The following GRAMD1A variants were observed in gnomAD, a reference collection of about 807,000 sequenced individuals.
GRAMD1A encodes protein Aster-A.
Under a neutral mutation model 92.0 loss-of-function variants are expected in GRAMD1A, and 50 were observed. The observed-to-expected ratio is 0.54, with a 90% CI of 0.43 to 0.69. GRAMD1A has a LOEUF of 0.69. Among genes scored for constraint, GRAMD1A ranks in the 30% least tolerant of loss-of-function variants. The probability of loss-of-function intolerance (pLI) is 0.00; values close to 1 mark genes in which losing one functional copy is unlikely to be tolerated. For synonymous variants in GRAMD1A, 405 were observed against 403.6 expected, an observed-to-expected ratio of 1.00 and a Z score of -0.04; for missense variants, 819 against 978.9, an observed-to-expected ratio of 0.84 and a Z score of 2.18.
At chr19:34,996,010 C>T (rs1271989304), upstream of GRAMD1A, 6 of 1,528,356 alleles carry the variant, frequency 3.9e-6, no homozygotes, top group Middle Eastern at 1.7e-4. Context: ...CACCGCTGTT[C>T]CAGACCCTCT....
rs556678153 is a variant in GRAMD1A, at chr19:35,021,884, G to A, written c.1753+20G>A. The A allele has an allele frequency of 1.6e-4, 262 of 1,606,580 alleles. 7 individuals are homozygous for A. The South Asian group carries it at 2.5e-3, about 16-fold the overall frequency. The stretch of plus-strand genomic sequence containing the variant: ...CCTCGGGTACGTTCCGTTGGGGCCG[G>A]GTTGGGGTAGGCGGAGGATCGGGGG... On this transcript the variant is annotated intron_variant, in intron 15 of 19. Coordinates refer to ENST00000317991, the MANE Select transcript of GRAMD1A (RefSeq NM_020895.5). The surrounding 1 kb of genome is among the most constrained non-coding windows in gnomAD (Gnocchi z 5.3).
intron 11 of GRAMD1A, among the ~76,000 whole-genome samples, chr19:35,017,292 C>T (rs1198139475): frequency 6.6e-6 from 1 of 152,078 alleles, no homozygotes; most frequent in African/African-American, 2.4e-5. Flanking sequence ...GTTACTGAGC[C>T]TCAGGTATTT....
chr19:35,024,682 G>A (rs1297874553), intron 19 of GRAMD1A, among the ~76,000 whole-genome samples: 1 of 152,158 alleles, frequency 6.6e-6, no homozygotes, highest in Non-Finnish European at 1.5e-5. Flanking sequence ...ATCAAGCTTG[G>A]GAGAGGCTCA....
At chr19:34,997,041 A>G, upstream of GRAMD1A, among the ~76,000 whole-genome samples, 1 of 152,074 alleles carries the variant, frequency 6.6e-6, no homozygotes, top group Non-Finnish European at 1.5e-5. Flanking sequence ...TCCACCCAGC[A>G]GCTGGGACCA....
intron 11 of GRAMD1A, 112 bp from the exon 12 acceptor site, chr19:35,019,079 G>T: frequency 1.4e-6 from 1 of 713,518 alleles, no homozygotes; most frequent in South Asian, 1.7e-5. Flanking sequence ...ACAGAGGAGT[G>T]GTGGGGATTG....
Position 35,021,417 on chromosome 19 carries a change from G to A in GRAMD1A, c.1476-85G>A. 3 of 988,630 alleles carry A rather than the reference G, an allele frequency of 3.0e-6. No individual in the cohort carries two copies. Among genetic ancestry groups the A allele is most frequent in the South Asian group, 1.3e-5 (1 of 76,984 alleles). 61.2% of individuals were successfully genotyped at this position (988,630 alleles called of 1,614,324 possible). The stretch of plus-strand genomic sequence containing the variant: ...GACAAGGGGCCCTCTCTGAATTAGG[G>A]GAAGGAAAAAACTCAGCTTGTGGGA... On this transcript the variant is annotated intron_variant, in intron 13 of 19. Coordinates refer to ENST00000317991, the MANE Select transcript of GRAMD1A (RefSeq NM_020895.5). This position sits in a 1 kb window ranked among gnomAD's most constrained non-coding sequence, Gnocchi z 5.3.
intron 6 of GRAMD1A, chr19:35,010,723 C>T (rs2015173487): frequency 1.9e-6 from 1 of 531,814 alleles, no homozygotes; most frequent in African/African-American, 1.9e-5. Flanking sequence ...TGCAAGATGG[C>T]TTTCTCACCA....
At chr19:35,000,086 G>A, upstream of GRAMD1A, 1 of 988,454 alleles carries the variant, frequency 1.0e-6, no homozygotes, top group Non-Finnish European at 1.2e-6. The surrounding 1 kb of genome is among the most constrained non-coding windows in gnomAD (Gnocchi z 4.9). Context: ...CTGCGGGCAG[G>A]CAGCTGCCTC....
intron 18 of GRAMD1A, 22 bp downstream of exon 18, chr19:35,023,365 A>G (rs1251503416): frequency 6.2e-7 from 1 of 1,613,728 alleles, no homozygotes; most frequent in Non-Finnish European, 8.5e-7. Context: ...GCCTGGGGAA[A>G]TGGGGGGGCT....
At chr19:34,999,193 T>A (rs375124439), upstream of GRAMD1A, among the ~76,000 whole-genome samples, 1 of 151,974 alleles carries the variant, frequency 6.6e-6, no homozygotes, top group African/African-American at 2.4e-5. Context: ...AATGGAGCGA[T>A]TGATTTTATA....
At chr19:35,009,478 G>A (rs2015064340) in intron 3 of GRAMD1A, 35 bp downstream of exon 3, 1 of 1,611,260 alleles carries the variant, frequency 6.2e-7, no homozygotes, top group South Asian at 1.1e-5. Flanking sequence ...CTGGAGGGCT[G>A]GGAGGACCGG....
At chr19:34,999,097 T>C (rs151225161), upstream of GRAMD1A, among the ~76,000 whole-genome samples, 5 of 151,480 alleles carry the variant, frequency 3.3e-5, no homozygotes, top group Admixed American at 6.6e-5. Flanking sequence ...GAACAGACAG[T>C]AGGGGCAGGG....
upstream of GRAMD1A, chr19:35,000,039 A>T (rs74655714): frequency 4.0e-3 from 3,973 of 984,994 alleles, 121 homozygotes; most frequent in African/African-American, 0.062. The surrounding 1 kb of genome is among the most constrained non-coding windows in gnomAD (Gnocchi z 4.9). Flanking sequence ...GTTGCTAGGG[A>T]CCCTTTTCTA....
rs947655126 is a variant in GRAMD1A at position 35,013,743 on chromosome 19, G to A, written c.870+52G>A. The A allele has an allele frequency of 6.5e-7, 1 of 1,530,338 alleles. No homozygotes were observed. The highest frequency in any genetic ancestry group is 8.9e-7 in the Non-Finnish European group (1 of 1,121,938). The allele number at this position is 1,530,338 out of a possible 1,614,324, so 94.8% of individuals were successfully genotyped here. ...GGATACTGATAGGAAGAGAGAGGAG[G>A]GCTGGGGGTGCAGTGGGAGAAGAAC... On this transcript the variant is annotated intron_variant, in intron 9 of 19. Coordinates refer to ENST00000317991, the MANE Select transcript of GRAMD1A (RefSeq NM_020895.5). This position sits in a 1 kb window ranked among gnomAD's most constrained non-coding sequence, Gnocchi z 4.9.
chr19:35,022,000 G>A lies in GRAMD1A; in HGVS notation c.1803G>A (p.Gly601=). The A allele has an allele frequency of 1.2e-6, 2 of 1,614,086 alleles. No individual in the cohort carries two copies. Among genetic ancestry groups the A allele is most frequent in the Non-Finnish European group, 1.7e-6 (2 of 1,179,986 alleles). The stretch of plus-strand genomic sequence containing the variant: ...AACCATCTGTGGACCAGGGCCCCGG[G>A]GCAGGCATCCCCAGTGCCCTGGTTC... The part of the protein sequence containing the change: ...FSEPSVDQGP[G]AGIPSALVLI... Residue 601 remains glycine, a synonymous_variant, in exon 16 of 20, where the codon GGG becomes GGA. Coordinates refer to ENST00000317991, the MANE Select transcript of GRAMD1A (RefSeq NM_020895.5). The surrounding 1 kb of genome is among the most constrained non-coding windows in gnomAD (Gnocchi z 5.3).
At position 35,013,737 on chromosome 19, in the gene GRAMD1A, G is replaced by A. The variant is rs779976374; in HGVS notation, c.870+46G>A. ...GGGGTGGGATACTGATAGGAAGAGA[G>A]AGGAGGGCTGGGGGTGCAGTGGGAG... On this transcript the variant is annotated intron_variant, in intron 9 of 19. Coordinates refer to ENST00000317991, the MANE Select transcript of GRAMD1A (RefSeq NM_020895.5). This position sits in a 1 kb window ranked among gnomAD's most constrained non-coding sequence, Gnocchi z 4.9. 6.4e-7 allele frequency: 1 copy of A among 1,552,912 alleles called. No individual in the cohort carries two copies. The highest frequency in any genetic ancestry group is 2.3e-5 in the East Asian group (1 of 44,230).
At chr19:34,995,475 G>A (rs140875386), upstream of GRAMD1A, among the ~76,000 whole-genome samples, 159 of 151,192 alleles carry the variant, frequency 1.1e-3, 3 homozygotes, top group East Asian at 0.027. Context: ...ATCAGATCTC[G>A]AGTCTCCAAA....
Position 35,021,810 on chromosome 19 carries a change from G to A in GRAMD1A, c.1699G>A (p.Gly567Arg), listed in dbSNP as rs749329367. 7.5e-6 allele frequency: 12 copies of A among 1,608,994 alleles called. No homozygotes were observed. In the East Asian group the frequency reaches 1.6e-4, roughly 21 times the overall value. The part of the protein sequence containing the change: ...RPLSWRAHGD[G>R]PQHPDPDPCA... ...CCTGAGCTGGCGGGCTCACGGGGAC[G>A]GGCCCCAGCACCCAGATCCTGACCC... Residue 567 changes from glycine to arginine, a missense_variant, in exon 15 of 20, where the codon GGG (glycine) becomes AGG (arginine). By Grantham distance (125) the Gly-to-Arg change is moderately radical. This residue lies in a region of GRAMD1A where 577 missense variants were observed against 674.6 expected (regional missense o/e 0.86). Coordinates refer to ENST00000317991, the MANE Select transcript of GRAMD1A (RefSeq NM_020895.5). This position sits in a 1 kb window ranked among gnomAD's most constrained non-coding sequence, Gnocchi z 5.3.
upstream of GRAMD1A, chr19:34,998,094 C>G (rs2014115467): frequency 6.8e-6 from 1 of 146,376 alleles, no homozygotes; most frequent in African/African-American, 2.5e-5. Context: ...AAAAAAAGCG[C>G]AGGAAGGAAA....
Sources: allele counts gnomAD v4.1 joint callset (sites outside exome capture counted in the v4.1 genomes callset), GRCh38; gene constraint gnomAD v4.1.1; regional missense constraint gnomAD v4.1.1; non-coding constraint Gnocchi (gnomAD v3.1); transcripts MANE v1.5; gene names NCBI Gene and HGNC (gene_info 2026-07-23, HGNC 2026-07-21).